KIF7: variants seen among roughly 807,000 people sequenced by gnomAD.
KIF7 encodes kinesin-like protein KIF7.
Under a neutral mutation model 135.7 loss-of-function variants are expected in KIF7, and 104 were observed. The ratio of observed to expected loss-of-function variants is 0.77; its 90% CI spans 0.65 to 0.90. KIF7 has a LOEUF of 0.90. KIF7 is among the 40% of genes least tolerant of loss of function. The probability of loss-of-function intolerance (pLI) is 0.00; values close to 1 mark genes in which losing one functional copy is unlikely to be tolerated. For missense variants in KIF7, 2,005 were observed against 1,839.1 expected (o/e 1.09, Z -1.65); for synonymous variants, 883 against 809.4 (o/e 1.09, Z -1.54).
chr15:89,657,310 C>CAAAAAA (rs369464990), upstream of KIF7, among the ~76,000 whole-genome samples: 4 of 98,652 alleles, frequency 4.1e-5, no homozygotes, highest in African/African-American at 1.6e-4. Flanking sequence ...GACCCTGTCT[C>CAAAAAA]AAAAAAAAAA....
chr15:89,628,842 GCCCTAGCT>G (rs1306082198), intron 18 of KIF7, 56 bp from the exon 19 acceptor site: 1 of 1,611,696 alleles, frequency 6.2e-7, no homozygotes, highest in East Asian at 2.2e-5. Flanking sequence ...CCTTCCCGAA[GCCCTAGCT>G]CCCCAGTGCC....
chr15:89,633,094 A>G, intron 13 of KIF7, 47 bp downstream of exon 13: 1 of 1,600,872 alleles, frequency 6.2e-7, no homozygotes, highest in Admixed American at 1.7e-5. Context: ...TGCACCCACC[A>G]GCCAGCCCCC....
chr15:89,659,281 C>T (rs1225014587), upstream of KIF7, among the ~76,000 whole-genome samples: 4 of 152,022 alleles, frequency 2.6e-5, no homozygotes, highest in South Asian at 8.3e-4. Context: ...ACCTGTAATA[C>T]CAGTACTTTT....
downstream of KIF7, chr15:89,627,244 T>G: frequency 8.9e-5 from 72 of 806,194 alleles, no homozygotes; most frequent in Non-Finnish European, 1.2e-4. Context: ...ATGGATCCAA[T>G]CCATCTCCTG....
Position 89,645,386 on chromosome 15 carries a change from C to T in KIF7, c.1988G>A (p.Gly663Asp), listed in dbSNP as rs775649265. Reference protein sequence around the residue: ...ARPGSLPERKGPELCLEELDA... With the variant: ...ARPGSLPERKDPELCLEELDA... ...CAACTCCTCAAGGCAAAGCTCTGGG[C>T]CCTTCCTCTCTGGCAGACTCCCTGG... The change falls in exon 9 of 19, where the codon GGC becomes GAC. Residue 663 changes from glycine to aspartate, a missense_variant. Transcript: ENST00000394412. 6.2e-7 allele frequency: 1 copy of T among 1,614,146 alleles called. No individual in the cohort carries two copies. Among genetic ancestry groups the T allele is most frequent in the South Asian group, 1.1e-5 (1 of 91,086 alleles).
downstream of KIF7, chr15:89,625,834 G>C: frequency 6.4e-7 from 1 of 1,560,472 alleles, no homozygotes; most frequent in Non-Finnish European, 8.7e-7. Context: ...CTTTTGGTCA[G>C]AGTGCTTGAC....
intron 1 of KIF7, among the ~76,000 whole-genome samples, chr15:89,618,839 G>A (rs1374230704): frequency 6.6e-6 from 1 of 152,180 alleles, no homozygotes; most frequent in Non-Finnish European, 1.5e-5. Flanking sequence ...TACTCCTATG[G>A]TCCCAGCTAC....
Position 89,628,679 on chromosome 15 carries a change from C to CCCCCTCAGTGAGGGGGGA in KIF7, c.3754_3771dup (p.Ser1252_Gly1257dup), listed in dbSNP as rs775576101. The CCCCCTCAGTGAGGGGGGA allele has an allele frequency of 3.8e-5, 62 of 1,612,822 alleles. No individual in the cohort carries two copies. In the Admixed American group the frequency reaches 4.5e-4, roughly 12 times the overall value. The stretch of plus-strand genomic sequence containing the variant: ...CGCGTCTCCTCCCGGGTGCGGGGGG[C>CCCCCTCAGTGAGGGGGGA]CCCCTCAGTGAGGGGGGACAGCCAG... On this transcript the variant is annotated inframe_insertion, in exon 19 of 19. Coordinates refer to ENST00000394412, the MANE Select transcript of KIF7 (RefSeq NM_198525.3).
intron 11 of KIF7, among the ~76,000 whole-genome samples, chr15:89,641,051 TTG>T (rs1007165697): frequency 2.0e-4 from 30 of 152,148 alleles, no homozygotes; most frequent in Non-Finnish European, 1.0e-4. Flanking sequence ...ATGGGCTGAA[TTG>T]TGTTTCCCCA....
intron 11 of KIF7, among the ~76,000 whole-genome samples, chr15:89,640,077 G>A (rs1022286482): frequency 6.6e-6 from 1 of 151,788 alleles, no homozygotes; most frequent in African/African-American, 2.4e-5. Flanking sequence ...TCACTCACAG[G>A]TGGGGGTGGA....
Position 89,648,777 on chromosome 15 carries a change from G to A in KIF7, c.924-3C>T. ...CGCCCAGCGAGTCTTTGAGGATCCT[G>A]AGGGCGCGAGGGGGAGGCTCTCAGG... On this transcript the variant is annotated splice_region_variant and splice_polypyrimidine_tract_variant and intron_variant, in intron 4 of 18. Transcript: ENST00000394412. The A allele has an allele frequency of 6.5e-7, 1 of 1,530,640 alleles. No homozygotes were observed. The highest frequency in any genetic ancestry group is 8.8e-7 in the Non-Finnish European group (1 of 1,142,128). 94.8% of individuals were successfully genotyped at this position (1,530,640 alleles called of 1,614,324 possible). A position where few individuals can be genotyped will look rare whatever the true frequency, so the allele number is the denominator to read the frequency against.
At chr15:89,646,598 C>T (rs1417189549) in intron 7 of KIF7, among the ~76,000 whole-genome samples, 3 of 152,160 alleles carry the variant, frequency 2.0e-5, no homozygotes, top group Admixed American at 6.5e-5. Context: ...TCATTCCAAG[C>T]GATCTTCAGC....
Position 89,646,964 on chromosome 15 carries a change from TCAGGAGCCGCGGGCCCCC to T in KIF7, c.1636_1653del (p.Gly546_Leu551del). 1 of 1,613,346 alleles carries T rather than the reference TCAGGAGCCGCGGGCCCCC, an allele frequency of 6.2e-7. No individual in the cohort carries two copies. Among genetic ancestry groups the T allele is most frequent in the Non-Finnish European group, 8.5e-7 (1 of 1,179,776 alleles). On this transcript the variant is annotated inframe_deletion, in exon 7 of 19. Transcript: ENST00000394412. ...ACAAAGGACCCGGGAGGCAGGCCAT[TCAGGAGCCGCGGGCCCCC>T]CCAGCCTGGCCGCACCAGCTCTAAC...
At chr15:89,642,159 G>T (rs768920810) in intron 11 of KIF7, 44 bp downstream of exon 11, 1 of 1,585,668 alleles carries the variant, frequency 6.3e-7, no homozygotes, top group Non-Finnish European at 8.6e-7. Context: ...AGCCTAGGAG[G>T]CAGGAGTCAC....
chr15:89,635,791 G>C (rs1348567218), intron 11 of KIF7, among the ~76,000 whole-genome samples: 2 of 152,170 alleles, frequency 1.3e-5, no homozygotes, highest in African/African-American at 2.4e-5. Flanking sequence ...AATCTAGCAA[G>C]GCAGGCCAAC....
downstream of KIF7, chr15:89,625,218 G>A: frequency 3.1e-6 from 5 of 1,613,680 alleles, no homozygotes; most frequent in East Asian, 2.2e-5. Context: ...CACCTGGCAA[G>A]AGCAGGGGGC....
chr15:89,626,121 G>GT, downstream of KIF7: 1 of 1,587,878 alleles, frequency 6.3e-7, no homozygotes, highest in East Asian at 2.3e-5. Context: ...ATTCACCAGG[G>GT]TTGCCAGGCA....
chr15:89,618,632 C>G (rs1223218253), intron 1 of KIF7, among the ~76,000 whole-genome samples: 1 of 152,206 alleles, frequency 6.6e-6, no homozygotes, highest in African/African-American at 2.4e-5. Flanking sequence ...CACACAGTGC[C>G]TGGCACATAG....
chr15:89,629,315 A>G, intron 17 of KIF7, 60 bp downstream of exon 17: 1 of 602,056 alleles, frequency 1.7e-6, no homozygotes, highest in Non-Finnish European at 2.0e-6. Flanking sequence ...AGGGCGGGGA[A>G]GATGGGGGTG....
Sources: allele counts gnomAD v4.1 joint callset (sites outside exome capture counted in the v4.1 genomes callset), GRCh38; gene constraint gnomAD v4.1.1; transcripts MANE v1.5; gene names NCBI Gene and HGNC (gene_info 2026-07-23, HGNC 2026-07-21).